Variants in MICU1 observed in about 807,000 individuals in gnomAD.
MICU1 encodes the protein calcium uptake protein 1, mitochondrial.
In MICU1, 45 loss-of-function variants were observed where a neutral mutation model predicts 56.8. That is an observed-to-expected ratio of 0.79 (90% confidence interval 0.62 to 1.02). MICU1 has a LOEUF of 1.02. MICU1 is among the 50% of genes least tolerant of loss of function. The probability of loss-of-function intolerance (pLI) is 0.00; values close to 1 mark genes in which losing one functional copy is unlikely to be tolerated. For missense variants in MICU1, 504 were observed against 587.1 expected, an observed-to-expected ratio of 0.86 and a Z score of 1.46; for synonymous variants, 186 against 195.1, an observed-to-expected ratio of 0.95 and a Z score of 0.39.
At chr10:72,523,900 C>A (rs1298475990) in intron 5 of MICU1, 3 of 1,510,350 alleles carry the variant, frequency 2.0e-6, no homozygotes, top group Non-Finnish European at 2.6e-6. Context: ...AAATTAAAGT[C>A]ATTGATTAGC....
chr10:72,536,495 T>TG, intron 4 of MICU1, among the ~76,000 whole-genome samples: 1 of 151,922 alleles, frequency 6.6e-6, no homozygotes, highest in Admixed American at 6.6e-5. Flanking sequence ...TACAGGTGCG[T>TG]GCCACCATGC....
intron 9 of MICU1, among the ~76,000 whole-genome samples, chr10:72,415,295 C>T (rs946525218): frequency 6.6e-6 from 1 of 151,992 alleles, no homozygotes; most frequent in South Asian, 2.1e-4. Flanking sequence ...GGATTACAGG[C>T]GTGAGTCACT....
chr10:72,503,732 GCT>G (rs770100817), intron 6 of MICU1, among the ~76,000 whole-genome samples: 7 of 151,964 alleles, frequency 4.6e-5, no homozygotes, highest in Non-Finnish European at 5.9e-5. Context: ...CTGCCAAAAG[GCT>G]CCTAGACCTG....
intron 10 of MICU1, among the ~76,000 whole-genome samples, chr10:72,401,099 G>T (rs537718067): frequency 6.6e-6 from 1 of 152,148 alleles, no homozygotes; most frequent in Admixed American, 6.5e-5. Flanking sequence ...ACTGAGCCCA[G>T]CTTGGAAGTA....
chr10:72,596,872 C>CAA (rs776770718), intron 1 of MICU1, among the ~76,000 whole-genome samples: 4 of 76,388 alleles, frequency 5.2e-5, no homozygotes, highest in Non-Finnish European at 8.1e-5. Context: ...GACCCCGTCT[C>CAA]AAAAAAAAAA....
chr10:72,607,456 T>C (rs1841722244), intron 1 of MICU1, among the ~76,000 whole-genome samples: 1 of 151,402 alleles, frequency 6.6e-6, no homozygotes, highest in African/African-American at 2.4e-5. Flanking sequence ...CTGGCCAACA[T>C]GGTGAAACCC....
Position 72,375,789 on chromosome 10 carries a change from A to G in MICU1, c.1264T>C (p.Cys422Arg), listed in dbSNP as rs892900843. The G allele has an allele frequency of 1.2e-6, 2 of 1,612,606 alleles. No individual in the cohort carries two copies. The highest frequency in any genetic ancestry group is 1.7e-6 in the Non-Finnish European group (2 of 1,179,370). The change falls in exon 11 of 12, where the codon TGT becomes CGT. Residue 422 changes from cysteine to arginine, a missense_variant. Cys to Arg is a radical substitution (Grantham distance 180). Coordinates refer to ENST00000361114, the MANE Select transcript of MICU1 (RefSeq NM_001195518.2). The stretch of plus-strand genomic sequence containing the variant: ...TCCAGAGGGCCCCACTCACCATCAC[A>G]GTCAAAGAGTGCAAACACCACATCA... The part of the protein sequence containing the change: ...VCDVVFALFD[C>R]DGNGELSNKE...
chr10:72,500,688 G>T (rs1867041707), intron 6 of MICU1, among the ~76,000 whole-genome samples: 1 of 151,844 alleles, frequency 6.6e-6, no homozygotes, highest in Non-Finnish European at 1.5e-5. Flanking sequence ...TAGCCCACAG[G>T]GTTAATAACT....
chr10:72,576,085 G>C (rs191741626), intron 1 of MICU1, among the ~76,000 whole-genome samples: 1 of 152,026 alleles, frequency 6.6e-6, no homozygotes, highest in East Asian at 1.9e-4. Context: ...ATGGTGGTGG[G>C]AGCCTGTAAT....
At position 72,619,644 on chromosome 10, in the gene MICU1, T is replaced by A. The variant is rs1263558653; in HGVS notation, c.-2+6366A>T. On this transcript the variant is annotated intron_variant, in intron 1 of 11. Transcript: ENST00000361114. ...CAATTGCTCCACAAAGTGAGAAGAC[T>A]ACTTTAAACAGATAAATTATGAGAA... Among the ~76,000 whole-genome samples, 5 of 152,176 alleles carry A rather than the reference T, an allele frequency of 3.3e-5. No homozygotes were observed. The East Asian group carries it at 7.7e-4, about 23-fold the overall frequency.
At chr10:72,534,750 ATTC>A (rs1381889698) in intron 4 of MICU1, among the ~76,000 whole-genome samples, 2 of 152,140 alleles carry the variant, frequency 1.3e-5, no homozygotes, top group Admixed American at 6.5e-5. Context: ...TTGGTTATAC[ATTC>A]TTCTTATCTG....
intron 4 of MICU1, among the ~76,000 whole-genome samples, chr10:72,535,844 T>C (rs982959248): frequency 2.0e-5 from 3 of 152,158 alleles, no homozygotes; most frequent in Non-Finnish European, 2.9e-5. Context: ...ACATGTGTAA[T>C]TTAAAATTTT....
At chr10:72,448,193 ATTTTT>A (rs71018289) in intron 8 of MICU1, among the ~76,000 whole-genome samples, 60 of 36,834 alleles carry the variant, frequency 1.6e-3, no homozygotes, top group East Asian at 7.1e-3. Context: ...ATATATATAT[ATTTTT>A]TTTTTTTTTT....
At chr10:72,502,903 G>C in intron 6 of MICU1, 1 of 178,778 alleles carries the variant, frequency 5.6e-6, no homozygotes, top group South Asian at 1.3e-4. Context: ...CTATCTATAG[G>C]AGAGTTTATG....
intron 1 of MICU1, among the ~76,000 whole-genome samples, chr10:72,605,344 G>C (rs1841658230): frequency 6.6e-6 from 1 of 152,128 alleles, no homozygotes; most frequent in East Asian, 1.9e-4. Flanking sequence ...CAGTTCCCTA[G>C]AAAACTCATA....
At chr10:72,497,962 A>T (rs1177720167) in intron 6 of MICU1, among the ~76,000 whole-genome samples, 1 of 152,234 alleles carries the variant, frequency 6.6e-6, no homozygotes, top group East Asian at 1.9e-4. Context: ...TTATTTAATG[A>T]TGTCCTATCC....
At chr10:72,502,320 A>C (rs1402079790) in intron 6 of MICU1, among the ~76,000 whole-genome samples, 1 of 151,842 alleles carries the variant, frequency 6.6e-6, no homozygotes, top group African/African-American at 2.4e-5. Context: ...ATGCCCGGCT[A>C]ATTTTTGTAT....
intron 1 of MICU1, among the ~76,000 whole-genome samples, chr10:72,616,667 A>C (rs894156452): frequency 1.8e-4 from 27 of 151,016 alleles, no homozygotes; most frequent in African/African-American, 5.8e-4. Flanking sequence ...AAAAAAAAAA[A>C]CACACTATTC....
chr10:72,460,657 A>G (rs2132235541), intron 8 of MICU1, among the ~76,000 whole-genome samples: 1 of 152,348 alleles, frequency 6.6e-6, no homozygotes, highest in South Asian at 2.1e-4. Context: ...CATATGATAC[A>G]TAATTCATTC....
Sources: gnomAD v4.1 joint callset for allele counts (sites outside exome capture counted in the v4.1 genomes callset) on GRCh38, gnomAD v4.1.1 for gene constraint, MANE v1.5 for transcripts, NCBI Gene and HGNC (gene_info 2026-07-23, HGNC 2026-07-21) for gene names.